The following PRKAR1A variants were observed in gnomAD, a reference collection of about 807,000 sequenced individuals.
The protein encoded by PRKAR1A is protein kinase cAMP-dependent type I regulatory subunit alpha.
In PRKAR1A, 3 loss-of-function variants were observed where a neutral mutation model predicts 52.0. The ratio of observed to expected loss-of-function variants is 0.06; its 90% CI spans 0.03 to 0.15. PRKAR1A has a LOEUF of 0.15. PRKAR1A is among the 10% of genes least tolerant of loss of function. The pLI is 1.00. For missense variants in PRKAR1A, 240 were observed against 477.4 expected (o/e 0.50, Z 4.63); for synonymous variants, 188 against 168.4 (o/e 1.12, Z -0.90).
the PRKAR1A span, among the ~76,000 whole-genome samples, chr17:68,440,041 C>A: frequency 6.6e-6 from 1 of 152,260 alleles, no homozygotes; most frequent in African/African-American, 2.4e-5. Context: ...GAACTTTCTG[C>A]AATACCTATT....
the PRKAR1A span, among the ~76,000 whole-genome samples, chr17:68,503,966 G>A: frequency 6.6e-6 from 1 of 152,134 alleles, no homozygotes. Flanking sequence ...ACAACCACTA[G>A]GAAGAACAGT....
the PRKAR1A span, among the ~76,000 whole-genome samples, chr17:68,498,179 C>T: frequency 6.6e-6 from 1 of 152,120 alleles, no homozygotes; most frequent in Non-Finnish European, 1.5e-5. Context: ...TGCACTTCCT[C>T]TTTTCTCTCC....
chr17:68,481,421 G>T, the PRKAR1A span, among the ~76,000 whole-genome samples: 1 of 152,252 alleles, frequency 6.6e-6, no homozygotes, highest in South Asian at 2.1e-4. Flanking sequence ...GCAACTAGAC[G>T]GTCCCATCTG....
chr17:68,523,328 G>A (rs1216288545), intron 3 of PRKAR1A, among the ~76,000 whole-genome samples: 1 of 152,160 alleles, frequency 6.6e-6, no homozygotes, highest in Non-Finnish European at 1.5e-5. Flanking sequence ...GAGTTATGCT[G>A]TTAGCCTTAA....
upstream of PRKAR1A, among the ~76,000 whole-genome samples, chr17:68,508,923 T>G (rs928624761): frequency 2.6e-5 from 4 of 152,024 alleles, no homozygotes; most frequent in Non-Finnish European, 4.4e-5. Context: ...AACCACAACT[T>G]TGGGTCTCCT....
the PRKAR1A span, chr17:68,427,421 A>G: frequency 2.1e-6 from 1 of 483,852 alleles, no homozygotes; most frequent in East Asian, 3.9e-5. Flanking sequence ...CAGTGGCGCA[A>G]TCTCGGCTCA....
chr17:68,529,909 T>G lies in PRKAR1A; in HGVS notation c.892-11T>G. On this transcript the variant is annotated splice_polypyrimidine_tract_variant and intron_variant, in intron 9 of 10. Coordinates refer to ENST00000589228, the MANE Select transcript of PRKAR1A (RefSeq NM_002734.5). ...GTGTGTTTGTTTAGCTTTTTGGTGA[T>G]TTTATTATAGGGGTCAGCTGCTGTG... 2 of 1,613,788 alleles carry G rather than the reference T, an allele frequency of 1.2e-6. No individual in the cohort carries two copies. The highest frequency in any genetic ancestry group is 1.7e-6 in the Non-Finnish European group (2 of 1,179,738).
chr17:68,508,929 C>T (rs745425188), upstream of PRKAR1A, among the ~76,000 whole-genome samples: 2 of 151,972 alleles, frequency 1.3e-5, no homozygotes, highest in African/African-American at 2.4e-5. Flanking sequence ...AACTTTGGGT[C>T]TCCTAGGAAG....
the PRKAR1A span, among the ~76,000 whole-genome samples, chr17:68,432,952 T>C: frequency 3.9e-5 from 6 of 152,258 alleles, no homozygotes; most frequent in Non-Finnish European, 7.3e-5. Context: ...CTAGAGATTT[T>C]ATCCATTTTT....
chr17:68,510,762 C>G (rs936700261), upstream of PRKAR1A, among the ~76,000 whole-genome samples: 1 of 152,200 alleles, frequency 6.6e-6, no homozygotes, highest in Non-Finnish European at 1.5e-5. Flanking sequence ...AAAGGAGAAA[C>G]TTCCCTTTTC....
At chr17:68,438,045 CA>C in the PRKAR1A span, among the ~76,000 whole-genome samples, 4 of 148,304 alleles carry the variant, frequency 2.7e-5, no homozygotes, top group Non-Finnish European at 4.5e-5. Context: ...AACTTTAGGT[CA>C]GGCTGAAACA....
In PRKAR1A at chr17:68,530,781, A is replaced by T; in HGVS notation, c.*332A>T. 1 of 1,282,128 alleles carries T rather than the reference A, an allele frequency of 7.8e-7. No individual in the cohort carries two copies. Among genetic ancestry groups the T allele is most frequent in the South Asian group, 1.7e-5 (1 of 59,324 alleles). The allele number at this position is 1,282,128 out of a possible 1,614,324, so 79.4% of individuals were successfully genotyped here. A position where few individuals can be genotyped will look rare whatever the true frequency, so the allele number is the denominator to read the frequency against. ...CCTATTGAATTACCATAGAGTAATG[A>T]TGTAACAGTGCAAGATTTTTTTTTT... On this transcript the variant is annotated 3_prime_UTR_variant, in exon 11 of 11. Coordinates refer to ENST00000589228, the MANE Select transcript of PRKAR1A (RefSeq NM_002734.5).
the PRKAR1A span, chr17:68,421,575 C>G: frequency 3.1e-6 from 2 of 649,232 alleles, no homozygotes. Context: ...TATACAATGT[C>G]TCCCGCGCCC....
intron 9 of PRKAR1A, 103 bp from the exon 10 acceptor site, chr17:68,529,817 A>G: frequency 1.9e-6 from 2 of 1,069,774 alleles, no homozygotes; most frequent in Non-Finnish European, 2.9e-6. Context: ...TTTTTATCAT[A>G]TGCACACATT....
chr17:68,418,453 T>C, the PRKAR1A span, among the ~76,000 whole-genome samples: 1 of 152,188 alleles, frequency 6.6e-6, no homozygotes, highest in African/African-American at 2.4e-5. Context: ...AGACAACAAC[T>C]ATTAATCTCT....
chr17:68,420,949 C>T, the PRKAR1A span: 1 of 161,260 alleles, frequency 6.2e-6, no homozygotes, highest in Middle Eastern at 3.3e-3. Flanking sequence ...TCTTTTTTTC[C>T]TTCCACAAAC....
Position 68,527,913 on chromosome 17 carries a change from G to A in PRKAR1A, c.769+13G>A, listed in dbSNP as rs1342588174. On this transcript the variant is annotated intron_variant, in intron 8 of 10. Coordinates refer to ENST00000589228, the MANE Select transcript of PRKAR1A (RefSeq NM_002734.5). ...GTCTCTATTTTAGGTGAGTTGTAAA[G>A]TGTGTTAACTTTGCTAGTATGTGAG... 2.5e-6 allele frequency: 4 copies of A among 1,602,344 alleles called. No individual in the cohort carries two copies. Among genetic ancestry groups the A allele is most frequent in the East Asian group, 2.2e-5 (1 of 44,730 alleles).
intron 2 of PRKAR1A, among the ~76,000 whole-genome samples, chr17:68,518,955 C>T (rs186629486): frequency 5.1e-4 from 77 of 152,282 alleles, no homozygotes; most frequent in Admixed American, 1.6e-3. Flanking sequence ...CTTTGCATAG[C>T]GAGAGTCACC....
At chr17:68,444,405 C>T in the PRKAR1A span, 7 of 1,225,206 alleles carry the variant, frequency 5.7e-6, no homozygotes, top group Non-Finnish European at 7.1e-6. Flanking sequence ...CACTGCTTCA[C>T]GTTCGCAATT....
Sources: gnomAD v4.1 joint callset for allele counts (sites outside exome capture counted in the v4.1 genomes callset) on GRCh38, gnomAD v4.1.1 for gene constraint, MANE v1.5 for transcripts, NCBI Gene and HGNC (gene_info 2026-07-23, HGNC 2026-07-21) for gene names.